Variants in GRK5 observed in about 807,000 individuals in gnomAD.
GRK5 encodes G protein-coupled receptor kinase 5.
GRK5 carries 40 observed loss-of-function variants against 78.4 expected under a neutral mutation model. That is an observed-to-expected ratio of 0.51 (90% CI 0.40 to 0.66). The LOEUF (loss-of-function observed/expected upper bound fraction) is 0.66. Ranked by LOEUF, GRK5 falls within the 30% of genes least tolerant of loss-of-function variation. GRK5 has a pLI of 0.00. For missense variants in GRK5, 598 were observed against 759.9 expected (o/e 0.79, Z 2.50); for synonymous variants, 289 against 296.8 (o/e 0.97, Z 0.27).
At chr10:119,333,834 T>A (rs1290877687) in intron 2 of GRK5, 2 of 532,656 alleles carry the variant, frequency 3.8e-6, no homozygotes, top group Middle Eastern at 3.2e-4. Context: ...CAACTGAAAT[T>A]AAGATGAGAT....
At chr10:119,356,497 C>T (rs1160918459) in intron 2 of GRK5, among the ~76,000 whole-genome samples, 1 of 152,172 alleles carries the variant, frequency 6.6e-6, no homozygotes, top group Non-Finnish European at 1.5e-5. Flanking sequence ...TTCTGGCATC[C>T]TGTCTGATTT....
intron 4 of GRK5, among the ~76,000 whole-genome samples, chr10:119,401,564 A>G (rs769085316): frequency 6.6e-6 from 1 of 152,106 alleles, no homozygotes; most frequent in African/African-American, 2.4e-5. Flanking sequence ...AAGTTGCTTA[A>G]CCTCTCAGTG....
intron 8 of GRK5, among the ~76,000 whole-genome samples, chr10:119,432,891 C>A (rs1852846906): frequency 6.6e-6 from 1 of 152,104 alleles, no homozygotes; most frequent in Admixed American, 6.5e-5. Flanking sequence ...GCCAACATGG[C>A]AAAACCCCAT....
In GRK5 at chr10:119,427,183, G is replaced by A. The variant is rs549402468; in HGVS notation, c.533+2098G>A. Among the ~76,000 whole-genome samples the A allele has an allele frequency of 3.1e-3, 446 of 145,820 alleles. 1 individual carries two copies. The highest frequency in any genetic ancestry group is 0.011 in the African/African-American group (429 of 39,036). On this transcript the variant is annotated intron_variant, in intron 6 of 15. Transcript: ENST00000392870. ...TCCCACCGCCATCATCAGCATCACCGCCATCATCAGTATCACCGCCATCAA... is the reference window on the plus strand; with the variant it reads ...TCCCACCGCCATCATCAGCATCACCACCATCATCAGTATCACCGCCATCAA...
intron 1 of GRK5, among the ~76,000 whole-genome samples, chr10:119,296,336 T>C (rs906054570): frequency 5.9e-5 from 9 of 152,192 alleles, no homozygotes; most frequent in African/African-American, 1.4e-4. Flanking sequence ...CCAGATCACA[T>C]AGCAAATGCC....
At position 119,455,232 on chromosome 10, in the gene GRK5, G is replaced by T. The variant is rs1187728822; in HGVS notation, c.*165G>T. ...ACGTAGAACCTCGAGGTTTCTCAAAGAAATTTCCACTCAGGTCTGTTTTCC... is the reference window on the plus strand; with the variant it reads ...ACGTAGAACCTCGAGGTTTCTCAAATAAATTTCCACTCAGGTCTGTTTTCC... On this transcript the variant is annotated 3_prime_UTR_variant, in exon 16 of 16. Coordinates refer to ENST00000392870, the MANE Select transcript of GRK5 (RefSeq NM_005308.3). 1 of 713,696 alleles carries T rather than the reference G, an allele frequency of 1.4e-6. No homozygotes were observed. Among genetic ancestry groups the T allele is most frequent in the Non-Finnish European group, 2.5e-6 (1 of 395,100 alleles). 44.2% of individuals were successfully genotyped at this position (713,696 alleles called of 1,614,324 possible). A position where few individuals can be genotyped will look rare whatever the true frequency, so the allele number is the denominator to read the frequency against.
At chr10:119,399,796 C>T (rs1306134100) in intron 4 of GRK5, among the ~76,000 whole-genome samples, 1 of 152,126 alleles carries the variant, frequency 6.6e-6, no homozygotes, top group African/African-American at 2.4e-5. Context: ...AGAACACATC[C>T]AAGAGCCTCA....
At chr10:119,280,937 G>A (rs1184174213) in intron 1 of GRK5, among the ~76,000 whole-genome samples, 2 of 151,844 alleles carry the variant, frequency 1.3e-5, no homozygotes, top group African/African-American at 2.4e-5. Flanking sequence ...GCGCCACCAC[G>A]CCCAGCTAAT....
At chr10:119,274,071 A>G (rs1431563169) in intron 1 of GRK5, among the ~76,000 whole-genome samples, 1 of 152,198 alleles carries the variant, frequency 6.6e-6, no homozygotes, top group African/African-American at 2.4e-5. Context: ...ACTTCAGCTC[A>G]TTAGAGCTGG....
At chr10:119,391,766 G>A (rs1230585100) in intron 3 of GRK5, among the ~76,000 whole-genome samples, 1 of 152,210 alleles carries the variant, frequency 6.6e-6, no homozygotes, top group Admixed American at 6.5e-5. Flanking sequence ...GGCCGTGGGG[G>A]TGGATGCAGG....
intron 3 of GRK5, among the ~76,000 whole-genome samples, chr10:119,394,235 T>TCC (rs1201237251): frequency 1.6e-5 from 2 of 128,272 alleles, no homozygotes; most frequent in Admixed American, 7.2e-5. Flanking sequence ...GGTGTGGGTG[T>TCC]GTGGGTGTCT....
chr10:119,248,814 T>A (rs1849153993), intron 1 of GRK5, among the ~76,000 whole-genome samples: 1 of 152,208 alleles, frequency 6.6e-6, no homozygotes, highest in Non-Finnish European at 1.5e-5. Context: ...GTGGATCTAT[T>A]ATCTAGGGCT....
intron 2 of GRK5, among the ~76,000 whole-genome samples, chr10:119,363,502 T>G (rs535164137): frequency 6.6e-6 from 1 of 152,170 alleles, no homozygotes; most frequent in South Asian, 2.1e-4. Context: ...TAGACTAACA[T>G]TGGCCTAAAC....
intron 1 of GRK5, among the ~76,000 whole-genome samples, chr10:119,315,284 G>T (rs1005534791): frequency 2.6e-5 from 4 of 152,326 alleles, no homozygotes; most frequent in African/African-American, 9.6e-5. Flanking sequence ...TTCTGAAAAG[G>T]CTTGAGTCAC....
intron 1 of GRK5, among the ~76,000 whole-genome samples, chr10:119,245,181 G>C (rs1467234334): frequency 6.6e-6 from 1 of 152,126 alleles, no homozygotes; most frequent in African/African-American, 2.4e-5. Context: ...TGGAGACTGA[G>C]GCAGAAGAAT....
At chr10:119,221,485 G>A (rs549486227) in intron 1 of GRK5, among the ~76,000 whole-genome samples, 1 of 152,238 alleles carries the variant, frequency 6.6e-6, no homozygotes, top group African/African-American at 2.4e-5. Context: ...TGGAATGCTG[G>A]GTATGTTCTA....
chr10:119,239,259 C>T (rs1482956714), intron 1 of GRK5, among the ~76,000 whole-genome samples: 3 of 147,674 alleles, frequency 2.0e-5, no homozygotes, highest in African/African-American at 7.6e-5. Context: ...TTTTGAGACA[C>T]AGTCTCACTC....
At chr10:119,259,444 T>C (rs1227160771) in intron 1 of GRK5, among the ~76,000 whole-genome samples, 1 of 152,258 alleles carries the variant, frequency 6.6e-6, no homozygotes, top group Non-Finnish European at 1.5e-5. Context: ...TGTGTTTCTC[T>C]TCATATGTTC....
intron 2 of GRK5, among the ~76,000 whole-genome samples, chr10:119,369,242 A>G (rs1299100893): frequency 1.3e-5 from 2 of 152,144 alleles, no homozygotes; most frequent in Non-Finnish European, 1.5e-5. Flanking sequence ...TTTCTTTACA[A>G]GGAGAAAAAA....
Sources: gnomAD v4.1 joint callset for allele counts (sites outside exome capture counted in the v4.1 genomes callset) on GRCh38, gnomAD v4.1.1 for gene constraint, MANE v1.5 for transcripts, NCBI Gene and HGNC (gene_info 2026-07-23, HGNC 2026-07-21) for gene names.